Variants in ADAMTSL1 observed in about 807,000 individuals in gnomAD.
ADAMTSL1 encodes ADAMTS like 1, also known as ADAMTS-like protein 1.
ADAMTSL1 carries 126 observed loss-of-function variants against 201.8 expected under a neutral mutation model. That is an observed-to-expected ratio of 0.62 (90% CI 0.54 to 0.72). The LOEUF is 0.72. ADAMTSL1 is among the 30% of genes least tolerant of loss of function. The pLI, the probability that ADAMTSL1 is intolerant of heterozygous loss-of-function variation, is 0.00. For missense variants in ADAMTSL1, 2,679 were observed against 2,277.8 expected (o/e 1.18, Z -3.59); for synonymous variants, 1,121 against 903.4 (o/e 1.24, Z -4.32).
At chr9:18,119,667 A>G (rs1825416806) in intron 1 of ADAMTSL1, among the ~76,000 whole-genome samples, 2 of 152,042 alleles carry the variant, frequency 1.3e-5, no homozygotes, top group African/African-American at 4.8e-5. Context: ...ACTACTATAA[A>G]TCATTATCCT....
At chr9:18,037,728 A>C (rs1476982929) in intron 1 of ADAMTSL1, among the ~76,000 whole-genome samples, 1 of 152,172 alleles carries the variant, frequency 6.6e-6, no homozygotes, top group Non-Finnish European at 1.5e-5. Flanking sequence ...TTTTTTATGT[A>C]TGTAACAAGA....
intron 23 of ADAMTSL1, among the ~76,000 whole-genome samples, chr9:18,867,778 C>T (rs1032910427): frequency 2.0e-5 from 3 of 152,114 alleles, no homozygotes; most frequent in Admixed American, 6.5e-5. Flanking sequence ...AGGCGCCTGC[C>T]ACCATGCCAG....
At chr9:18,324,139 G>C (rs1346282232) in intron 2 of ADAMTSL1, among the ~76,000 whole-genome samples, 1 of 152,096 alleles carries the variant, frequency 6.6e-6, no homozygotes, top group African/African-American at 2.4e-5. Context: ...GAATGAAGCA[G>C]AATTGAGACC....
At chr9:18,083,358 T>A (rs988927051) in intron 1 of ADAMTSL1, among the ~76,000 whole-genome samples, 1 of 152,228 alleles carries the variant, frequency 6.6e-6, no homozygotes, top group Non-Finnish European at 1.5e-5. Context: ...GATATTCATC[T>A]AAAATTGGCT....
At chr9:18,066,531 A>T (rs1336434961) in intron 1 of ADAMTSL1, among the ~76,000 whole-genome samples, 3 of 152,264 alleles carry the variant, frequency 2.0e-5, no homozygotes, top group Non-Finnish European at 2.9e-5. Context: ...TTATTAGATG[A>T]CTAGCTCTTT....
Position 18,777,116 on chromosome 9 carries a change from G to A in ADAMTSL1, c.2887G>A (p.Gly963Ser), listed in dbSNP as rs751777831. The change falls in exon 19 of 29, where the codon GGC (glycine) becomes AGC (serine). Residue 963 changes from glycine (G) to serine (S), a missense_variant. Transcript: ENST00000380548. ...REHFVIKLIG[G>S]NRKLVARPLS... ...GCACTTTGTGATTAAGCTCATCGGA[G>A]GCAACCGCAAGCTCGTGGCCCGGCC... The A allele has an allele frequency of 1.9e-6, 3 of 1,612,956 alleles. No individual in the cohort carries two copies. Among genetic ancestry groups the A allele is most frequent in the African/African-American group, 2.7e-5 (2 of 74,932 alleles).
intron 1 of ADAMTSL1, among the ~76,000 whole-genome samples, chr9:18,089,579 T>A (rs1823917640): frequency 6.6e-6 from 1 of 152,116 alleles, no homozygotes; most frequent in African/African-American, 2.4e-5. Context: ...CAAACCTGAA[T>A]GTTCTGTGCA....
chr9:17,952,030 G>A (rs1827747548), intron 1 of ADAMTSL1, among the ~76,000 whole-genome samples: 1 of 151,822 alleles, frequency 6.6e-6, no homozygotes, highest in African/African-American at 2.4e-5. Context: ...TGAACTCCTG[G>A]GTCTCAAGCA....
At chr9:18,321,893 A>G (rs944558085) in intron 2 of ADAMTSL1, among the ~76,000 whole-genome samples, 1 of 152,246 alleles carries the variant, frequency 6.6e-6, no homozygotes, top group African/African-American at 2.4e-5. Flanking sequence ...GCTATATGAT[A>G]AACTAAGTCT....
intron 4 of ADAMTSL1, among the ~76,000 whole-genome samples, chr9:18,577,197 G>C (rs894831886): frequency 1.1e-4 from 16 of 152,278 alleles, no homozygotes; most frequent in African/African-American, 3.8e-4. Flanking sequence ...CAAAAGACAT[G>C]AGTTGGGGCC....
chr9:18,727,216 G>C (rs1323136107), intron 15 of ADAMTSL1, among the ~76,000 whole-genome samples: 3 of 152,158 alleles, frequency 2.0e-5, no homozygotes, highest in Admixed American at 6.5e-5. Flanking sequence ...AGCCTTGCAG[G>C]CTCTTCCTCT....
chr9:18,541,842 A>C (rs2132160610), intron 3 of ADAMTSL1, among the ~76,000 whole-genome samples: 1 of 152,402 alleles, frequency 6.6e-6, no homozygotes, highest in Middle Eastern at 3.4e-3. Flanking sequence ...ATATGCTCAT[A>C]GCATGGAATG....
chr9:18,290,152 G>A (rs755078822), intron 2 of ADAMTSL1, among the ~76,000 whole-genome samples: 1 of 152,178 alleles, frequency 6.6e-6, no homozygotes, highest in Non-Finnish European at 1.5e-5. Flanking sequence ...AATAGAAGAG[G>A]TGATTCAACT....
intron 20 of ADAMTSL1, among the ~76,000 whole-genome samples, chr9:18,807,230 C>A (rs1823190862): frequency 6.6e-6 from 1 of 152,184 alleles, no homozygotes; most frequent in Non-Finnish European, 1.5e-5. Context: ...TCTCATTCAG[C>A]TATAACACAA....
chr9:17,967,838 T>A (rs1818040490), intron 1 of ADAMTSL1, among the ~76,000 whole-genome samples: 1 of 152,150 alleles, frequency 6.6e-6, no homozygotes, highest in Non-Finnish European at 1.5e-5. Flanking sequence ...TTTCTAGTTT[T>A]CCTCCTTTTG....
rs1829264967 is a variant in ADAMTSL1 at position 18,891,442 on chromosome 9, TC to T, written c.4644-946del. ...GCGATTTCCCCAAGCTCTCTCCTTC[TC>T]TTTGAGAATTACCACAGGGTGCACA... On this transcript the variant is annotated intron_variant, in intron 25 of 28. Coordinates refer to ENST00000380548, the MANE Select transcript of ADAMTSL1 (RefSeq NM_001040272.6). Among the ~76,000 whole-genome samples the T allele has an allele frequency of 2.0e-5, 3 of 152,208 alleles. No homozygotes were observed. The South Asian group carries it at 6.2e-4, about 32-fold the overall frequency.
intron 23 of ADAMTSL1, 126 bp downstream of exon 23, chr9:18,830,103 C>T: frequency 1.6e-6 from 2 of 1,279,020 alleles, no homozygotes; most frequent in Non-Finnish European, 2.1e-6. Flanking sequence ...CACTAAATTG[C>T]CTACAGAATC....
chr9:18,050,332 C>A (rs1035438482), intron 1 of ADAMTSL1, among the ~76,000 whole-genome samples: 27 of 152,002 alleles, frequency 1.8e-4, no homozygotes, highest in African/African-American at 6.3e-4. Flanking sequence ...TAATAAAATA[C>A]TTGAGTTTTT....
intron 2 of ADAMTSL1, among the ~76,000 whole-genome samples, chr9:18,336,895 T>C (rs541204883): frequency 6.6e-6 from 1 of 152,164 alleles, no homozygotes; most frequent in East Asian, 1.9e-4. Flanking sequence ...ATAATAAATA[T>C]CATGACTATG....
Sources: gnomAD v4.1 joint callset for allele counts (sites outside exome capture counted in the v4.1 genomes callset) on GRCh38, gnomAD v4.1.1 for gene constraint, MANE v1.5 for transcripts, NCBI Gene and HGNC (gene_info 2026-07-23, HGNC 2026-07-21) for gene names.